The following ARRB1 variants were observed in gnomAD, a reference collection of about 807,000 sequenced individuals.
ARRB1 encodes the protein arrestin beta 1, also known as beta-arrestin-1.
Under a neutral mutation model 56.8 loss-of-function variants are expected in ARRB1, and 21 were observed. That is an observed-to-expected ratio of 0.37 (90% CI 0.26 to 0.53). The LOEUF (loss-of-function observed/expected upper bound fraction) is 0.53, where lower values mean the gene tolerates loss of function less well. Ranked by LOEUF, ARRB1 falls within the 20% of genes least tolerant of loss-of-function variation. The pLI, the probability that ARRB1 is intolerant of heterozygous loss-of-function variation, is 0.88. For synonymous variants in ARRB1, 210 were observed against 218.6 expected (o/e 0.96, Z 0.35); for missense variants, 424 against 553.7 (o/e 0.77, Z 2.35).
intron 3 of ARRB1, among the ~76,000 whole-genome samples, chr11:75,285,725 G>A (rs537457797): frequency 1.3e-5 from 2 of 152,296 alleles, no homozygotes; most frequent in East Asian, 3.9e-4. Flanking sequence ...CTGGCACAAA[G>A]GGGGTGCTCT....
chr11:75,311,975 C>T (rs1054162778), intron 1 of ARRB1: 7 of 1,221,754 alleles, frequency 5.7e-6, no homozygotes, highest in African/African-American at 4.7e-5. Flanking sequence ...GGGCCTGGGC[C>T]GAGGGGCTGG....
chr11:75,282,091 A>G, intron 5 of ARRB1, 70 bp from the exon 6 acceptor site: 1 of 1,543,078 alleles, frequency 6.5e-7, no homozygotes. Flanking sequence ...ATTGCAGCCC[A>G]GACACTCCCA....
At chr11:75,318,100 T>G (rs1451543088) in intron 1 of ARRB1, among the ~76,000 whole-genome samples, 2 of 151,282 alleles carry the variant, frequency 1.3e-5, no homozygotes, top group African/African-American at 4.9e-5. Context: ...AGTCCTAGAG[T>G]TCTGATTCAG....
chr11:75,302,685 G>A (rs1234270593), intron 1 of ARRB1, among the ~76,000 whole-genome samples: 1 of 152,112 alleles, frequency 6.6e-6, no homozygotes, highest in Non-Finnish European at 1.5e-5. Context: ...TAGAGAATGG[G>A]GATAATATCC....
chr11:75,278,868 G>C (rs1406433057), intron 7 of ARRB1, 124 bp from the exon 8 acceptor site: 1 of 1,348,036 alleles, frequency 7.4e-7, no homozygotes, highest in Non-Finnish European at 1.0e-6. Flanking sequence ...TTAGAATCCA[G>C]CCAAACTGCA....
Position 75,278,695 on chromosome 11 carries a change from G to A in ARRB1, c.532C>T (p.Pro178Ser). 3 of 1,614,118 alleles carry A rather than the reference G, an allele frequency of 1.9e-6. No individual in the cohort carries two copies. The highest frequency in any genetic ancestry group is 2.5e-6 in the Non-Finnish European group (3 of 1,179,964). Residue 178 changes from proline to serine, a missense_variant, in exon 8 of 16, where the codon CCT (proline) becomes TCT (serine). Physicochemically the swap from Pro to Ser is moderately conservative, Grantham distance 74. Coordinates refer to ENST00000420843, the MANE Select transcript of ARRB1 (RefSeq NM_004041.5). The part of the protein sequence containing the change: ...IRKVQYAPER[P>S]GPQPTAETTR... ...GTCTCGGCTGTGGGCTGGGGGCCAG[G>A]CCTCTCTGGGGCATACTGAACCTTC...
At chr11:75,296,493 A>T (rs1946753936) in intron 1 of ARRB1, among the ~76,000 whole-genome samples, 1 of 152,062 alleles carries the variant, frequency 6.6e-6, no homozygotes, top group South Asian at 2.1e-4. Flanking sequence ...AGCATAGGGT[A>T]CCTGTGGACC....
chr11:75,271,551 T>C, intron 13 of ARRB1, 150 bp downstream of exon 13: 2 of 802,384 alleles, frequency 2.5e-6, no homozygotes, highest in Non-Finnish European at 3.8e-6. Flanking sequence ...AAGGAGAAAT[T>C]GTGTCTCCCA....
At chr11:75,303,244 C>A (rs917531553) in intron 1 of ARRB1, among the ~76,000 whole-genome samples, 3 of 152,096 alleles carry the variant, frequency 2.0e-5, no homozygotes, top group Non-Finnish European at 2.9e-5. Flanking sequence ...TCAAGTGATC[C>A]GCCCATCTCA....
intron 1 of ARRB1, among the ~76,000 whole-genome samples, chr11:75,346,449 G>A (rs971522012): frequency 1.3e-5 from 2 of 151,996 alleles, no homozygotes; most frequent in African/African-American, 4.8e-5. Flanking sequence ...TTCACTGCCT[G>A]CCGCCATACT....
chr11:75,328,250 G>A lies in ARRB1; in HGVS notation c.20+23338C>T, dbSNP rs550942841. On this transcript the variant is annotated intron_variant, in intron 1 of 15. Coordinates refer to ENST00000420843, the MANE Select transcript of ARRB1 (RefSeq NM_004041.5). Reference sequence around the variant, plus strand: ...ATTTCACGTAAGGTTTGCAAGGTTCGTCCACTTTATAGCATGGATCAGTAT... The same window carrying A: ...ATTTCACGTAAGGTTTGCAAGGTTCATCCACTTTATAGCATGGATCAGTAT... 1.2e-4 allele frequency among the ~76,000 whole-genome samples: 18 copies of A among 152,216 alleles called. No homozygotes were observed. The South Asian group carries it at 2.5e-3, about 21-fold the overall frequency.
At chr11:75,336,670 T>C (rs1029167939) in intron 1 of ARRB1, among the ~76,000 whole-genome samples, 2 of 152,148 alleles carry the variant, frequency 1.3e-5, no homozygotes, top group Admixed American at 6.5e-5. Context: ...ACTGCATGCC[T>C]GGTCCCTGGG....
intron 1 of ARRB1, among the ~76,000 whole-genome samples, chr11:75,298,709 G>A (rs770698765): frequency 1.2e-4 from 18 of 151,904 alleles, no homozygotes; most frequent in Non-Finnish European, 2.4e-4. Context: ...AACTGAAAAT[G>A]TCCACACAAA....
chr11:75,273,148 G>A (rs1946108620), intron 11 of ARRB1, among the ~76,000 whole-genome samples, 170 bp from the exon 12 acceptor site: 1 of 152,150 alleles, frequency 6.6e-6, no homozygotes, highest in African/African-American at 2.4e-5. Context: ...AGTGCCCTTA[G>A]GTAGCAGGGA....
chr11:75,317,569 A>G (rs539499753), intron 1 of ARRB1, among the ~76,000 whole-genome samples: 1 of 152,238 alleles, frequency 6.6e-6, no homozygotes, highest in African/African-American at 2.4e-5. Flanking sequence ...CCCTCGGAGC[A>G]CATTTCACAG....
At chr11:75,282,042 C>T (rs751234056) in intron 5 of ARRB1, 21 bp from the exon 6 acceptor site, 34 of 1,613,334 alleles carry the variant, frequency 2.1e-5, no homozygotes, top group Admixed American at 5.0e-5. Flanking sequence ...GAGGACAGAA[C>T]GAGCCACCTG....
intron 1 of ARRB1, among the ~76,000 whole-genome samples, chr11:75,340,070 G>A (rs557765033): frequency 4.6e-5 from 7 of 152,330 alleles, no homozygotes; most frequent in African/African-American, 1.2e-4. Flanking sequence ...GGACAGGCCC[G>A]GCCACTTCGG....
chr11:75,267,819 A>T, intron 14 of ARRB1, 116 bp from the exon 15 acceptor site: 1 of 830,910 alleles, frequency 1.2e-6, no homozygotes, highest in Non-Finnish European at 2.0e-6. Context: ...AGGGCAAAGG[A>T]TAAAGGGGAA....
rs1232842100 is a variant in ARRB1 at position 75,263,316 on chromosome 11, G to A, written c.*2847C>T. On this transcript the variant is annotated 3_prime_UTR_variant, in exon 16 of 16. Coordinates refer to ENST00000420843, the MANE Select transcript of ARRB1 (RefSeq NM_004041.5). ...CAGAAGCTTGGAAACATGACCTGCG[G>A]CTTCCTCTCCAGGAAGAGGCTGAAG... Among the ~76,000 whole-genome samples the A allele has an allele frequency of 6.6e-6, 1 of 152,250 alleles. No individual in the cohort carries two copies. Among genetic ancestry groups the A allele is most frequent in the African/African-American group, 2.4e-5 (1 of 41,474 alleles).
Sources: gnomAD v4.1 joint callset for allele counts (sites outside exome capture counted in the v4.1 genomes callset) on GRCh38, gnomAD v4.1.1 for gene constraint, MANE v1.5 for transcripts, NCBI Gene and HGNC (gene_info 2026-07-23, HGNC 2026-07-21) for gene names.